FICD: variants seen among roughly 807,000 people sequenced by gnomAD.
The protein encoded by FICD is FIC domain protein adenylyltransferase.
A neutral mutation model predicts 28.0 loss-of-function variants in FICD; 13 were observed. That is an observed-to-expected ratio of 0.46 (90% CI 0.30 to 0.74). The LOEUF (loss-of-function observed/expected upper bound fraction) is 0.74, where lower values mean the gene tolerates loss of function less well. Ranked by LOEUF, FICD falls within the 30% of genes least tolerant of loss-of-function variation. FICD has a pLI of 0.07. For missense variants in FICD, 576 were observed against 624.5 expected (o/e 0.92, Z 0.83); for synonymous variants, 268 against 266.4 (o/e 1.01, Z -0.06).
rs140133453 is a variant in FICD at position 108,518,539 on chromosome 12, C to A, written c.441C>A (p.Gly147=). ...PDFVDALTEF[G]IFSEEDKDII... is the part of the protein sequence containing the mutation. The stretch of plus-strand genomic sequence containing the variant: ...TCGTGGACGCGCTCACCGAGTTTGG[C>A]ATCTTCTCGGAAGAAGACAAGGACA... The change falls in exon 3 of 3, where the codon GGC becomes GGA. Residue 147 remains glycine (G), a synonymous_variant. Transcript: ENST00000552695. This position sits in a 1 kb window ranked among gnomAD's most constrained non-coding sequence, Gnocchi z 4.4. The A allele has an allele frequency of 1.9e-4, 307 of 1,614,204 alleles. No homozygotes were observed. In the African/African-American group the frequency reaches 3.5e-3, roughly 18 times the overall value.
rs1167831428 is a variant in FICD, at chr12:108,518,033, C to T, written c.302-367C>T. Reference sequence around the variant, plus strand: ...CAAGATGAGCTGGAGATGTAGGAGACGGCCTACACTGGGAGCTGTGGCCCA... The same window carrying T: ...CAAGATGAGCTGGAGATGTAGGAGATGGCCTACACTGGGAGCTGTGGCCCA... On this transcript the variant is annotated intron_variant, in intron 2 of 2. Coordinates refer to ENST00000552695, the MANE Select transcript of FICD (RefSeq NM_007076.3). The surrounding 1 kb of genome is among the most constrained non-coding windows in gnomAD (Gnocchi z 4.4). 2 of 672,946 alleles carry T rather than the reference C, an allele frequency of 3.0e-6. No homozygotes were observed. The highest frequency in any genetic ancestry group is 2.1e-5 in the Admixed American group (1 of 48,058). 41.7% of individuals were successfully genotyped at this position (672,946 alleles called of 1,614,324 possible). A position where few individuals can be genotyped will look rare whatever the true frequency, so the allele number is the denominator to read the frequency against.
intron 1 of FICD, among the ~76,000 whole-genome samples, chr12:108,516,225 G>C (rs1414422034): frequency 6.6e-6 from 1 of 152,180 alleles, no homozygotes; most frequent in Non-Finnish European, 1.5e-5. Flanking sequence ...CTTCTTGATG[G>C]GGTCCCTTCT....
chr12:108,518,995 C>G lies in FICD; in HGVS notation c.897C>G (p.Gly299=), dbSNP rs764268321. 26 of 1,614,026 alleles carry G rather than the reference C, an allele frequency of 1.6e-5. No homozygotes were observed. The Admixed American group carries it at 4.3e-4, about 27-fold the overall frequency. ...DVLEIHRRVL[G]YVDPVEAGRF... ...TGGAGATCCACAGGCGGGTGCTGGG[C>G]TACGTGGACCCCGTGGAAGCCGGCA... The change falls in exon 3 of 3, where the codon GGC becomes GGG. Residue 299 remains glycine (G), a synonymous_variant. Coordinates refer to ENST00000552695, the MANE Select transcript of FICD (RefSeq NM_007076.3). This position sits in a 1 kb window ranked among gnomAD's most constrained non-coding sequence, Gnocchi z 4.4.
Position 108,519,599 on chromosome 12 carries a change from A to T in FICD, c.*124A>T. Reference sequence around the variant, plus strand: ...AACATTCTTTACCTCCAAATGTTTTAGTTTTAAAAAAAAAAAAAAACTAAG... The same window carrying T: ...AACATTCTTTACCTCCAAATGTTTTTGTTTTAAAAAAAAAAAAAAACTAAG... On this transcript the variant is annotated 3_prime_UTR_variant, in exon 3 of 3. Coordinates refer to ENST00000552695, the MANE Select transcript of FICD (RefSeq NM_007076.3). This position sits in a 1 kb window ranked among gnomAD's most constrained non-coding sequence, Gnocchi z 4.5. 2.0e-6 allele frequency: 1 copy of T among 496,928 alleles called. No homozygotes were observed. Among genetic ancestry groups the T allele is most frequent in the Non-Finnish European group, 3.3e-6 (1 of 301,846 alleles). 30.8% of individuals were successfully genotyped at this position (496,928 alleles called of 1,614,324 possible).
chr12:108,516,147 T>C (rs1397049875), intron 1 of FICD, among the ~76,000 whole-genome samples: 4 of 152,188 alleles, frequency 2.6e-5, no homozygotes, highest in Non-Finnish European at 5.9e-5. Context: ...ATACAAGCCA[T>C]GTTGTCACTG....
At position 108,517,150 on chromosome 12, in the gene FICD, C is replaced by T; in HGVS notation, c.178C>T (p.Leu60=). ...CTTGGCTGTGCTCAAAGGCCTCTAC[C>T]TGCTCAGGAGCAAACCGGACAGGGC... is the stretch of plus-strand genomic sequence containing the variant. ...QCLAVLKGLY[L]LRSKPDRAQH... is the part of the protein sequence containing the mutation. The change falls in exon 2 of 3, where the codon CTG becomes TTG. Residue 60 remains leucine (L), a synonymous_variant. Coordinates refer to ENST00000552695, the MANE Select transcript of FICD (RefSeq NM_007076.3). The T allele has an allele frequency of 6.2e-7, 1 of 1,608,048 alleles. No individual in the cohort carries two copies. The highest frequency in any genetic ancestry group is 8.5e-7 in the Non-Finnish European group (1 of 1,177,362).
chr12:108,518,498 A>G lies in FICD; in HGVS notation c.400A>G (p.Lys134Glu). 1 of 1,614,196 alleles carries G rather than the reference A, an allele frequency of 6.2e-7. No homozygotes were observed. Among genetic ancestry groups the G allele is most frequent in the South Asian group, 1.1e-5 (1 of 91,080 alleles). The change falls in exon 3 of 3, where the codon AAG (lysine) becomes GAG (glutamate). Residue 134 changes from lysine to glutamate, a missense_variant. Coordinates refer to ENST00000552695, the MANE Select transcript of FICD (RefSeq NM_007076.3). The surrounding 1 kb of genome is among the most constrained non-coding windows in gnomAD (Gnocchi z 4.4). ...KAQKLFMHAL[K>E]MDPDFVDALT... ...CCAAAAGCTCTTCATGCACGCCCTC[A>G]AGATGGACCCGGACTTCGTGGACGC...
Position 108,517,112 on chromosome 12 carries a change from TGGA to T in FICD, c.145_147del (p.Glu49del), listed in dbSNP as rs775258174. On this transcript the variant is annotated inframe_deletion, in exon 2 of 3. Coordinates refer to ENST00000552695, the MANE Select transcript of FICD (RefSeq NM_007076.3). ...GCCCTGCTGCTGCCGCTGGGGGCTG[TGGA>T]GGAGCAGTGCTTGGCTGTGCTCAAA... 6 of 1,610,276 alleles carry T rather than the reference TGGA, an allele frequency of 3.7e-6. No individual in the cohort carries two copies. The African/African-American group carries it at 8.0e-5, about 21-fold the overall frequency.
At position 108,519,290 on chromosome 12, in the gene FICD, G is replaced by GACT. The variant is rs1565853305; in HGVS notation, c.1198_1200dup (p.Tyr400dup). On this transcript the variant is annotated inframe_insertion, in exon 3 of 3. Coordinates refer to ENST00000552695, the MANE Select transcript of FICD (RefSeq NM_007076.3). The surrounding 1 kb of genome is among the most constrained non-coding windows in gnomAD (Gnocchi z 4.5). ...CACCATCCGCAAGGAGCAGCGGTCC[G>GACT]ACTACTACCACGTGTTGGAAGCTGC... 6.2e-7 allele frequency: 1 copy of GACT among 1,614,238 alleles called. No homozygotes were observed. The highest frequency in any genetic ancestry group is 8.5e-7 in the Non-Finnish European group (1 of 1,180,036).
At chr12:108,517,438 T>C (rs1871945278) in intron 2 of FICD, 165 bp downstream of exon 2, 2 of 527,264 alleles carry the variant, frequency 3.8e-6, no homozygotes, top group Non-Finnish European at 6.1e-6. Flanking sequence ...AGTGTGGTGA[T>C]GGGGAAGCAT....
At position 108,520,436 on chromosome 12, in the gene FICD, A is replaced by C. The variant is rs1872076171; in HGVS notation, c.*961A>C. Reference sequence around the variant, plus strand: ...ATTTTTGATAATGAATTAGAGCACCAGTTTCTACTGAATGGAGCAAAAACC... The same window carrying C: ...ATTTTTGATAATGAATTAGAGCACCCGTTTCTACTGAATGGAGCAAAAACC... On this transcript the variant is annotated 3_prime_UTR_variant, in exon 3 of 3. Coordinates refer to ENST00000552695, the MANE Select transcript of FICD (RefSeq NM_007076.3). The C allele has an allele frequency of 6.6e-6, 1 of 152,158 alleles. No individual in the cohort carries two copies. The highest frequency in any genetic ancestry group is 2.4e-5 in the African/African-American group (1 of 41,408). 9.4% of individuals were successfully genotyped at this position (152,158 alleles called of 1,614,324 possible).
Position 108,520,094 on chromosome 12 carries a change from T to G in FICD, c.*619T>G, listed in dbSNP as rs1214887571. ...ACTTTAGTGCCAGCAGCTGTTTTTT[T>G]TTTTTTTTTTTTCATATTGAGACTA... On this transcript the variant is annotated 3_prime_UTR_variant, in exon 3 of 3. Coordinates refer to ENST00000552695, the MANE Select transcript of FICD (RefSeq NM_007076.3). 2.0e-5 allele frequency: 3 copies of G among 151,054 alleles called. No homozygotes were observed. Among genetic ancestry groups the G allele is most frequent in the South Asian group, 2.1e-4 (1 of 4,724 alleles). The allele number at this position is 151,054 out of a possible 1,614,324, so 9.4% of individuals were successfully genotyped here.
At position 108,519,388 on chromosome 12, in the gene FICD, T is replaced by C; in HGVS notation, c.1290T>C (p.Leu430=). 1 of 1,614,078 alleles carries C rather than the reference T, an allele frequency of 6.2e-7. No homozygotes were observed. Among genetic ancestry groups the C allele is most frequent in the South Asian group, 1.1e-5 (1 of 91,078 alleles). The change falls in exon 3 of 3, where the codon CTT becomes CTC. Residue 430 remains leucine, a synonymous_variant. Transcript: ENST00000552695. This position sits in a 1 kb window ranked among gnomAD's most constrained non-coding sequence, Gnocchi z 4.5. ...CTGAGACCACCCTGGACACCCTGCT[T>C]TTTGCCACAACTGAGTACTCGGTGG... ...KCTETTLDTL[L]FATTEYSVAL... is the part of the protein sequence containing the mutation.
At position 108,518,828 on chromosome 12, in the gene FICD, A is replaced by G. The variant is rs771584835; in HGVS notation, c.730A>G (p.Arg244Gly). 17 of 1,614,156 alleles carry G rather than the reference A, an allele frequency of 1.1e-5. No homozygotes were observed. The East Asian group carries it at 3.8e-4, about 36-fold the overall frequency. The change falls in exon 3 of 3, where the codon AGG becomes GGG. Residue 244 changes from arginine to glycine, a missense_variant. By Grantham distance (125) the Arg-to-Gly change is moderately radical. Coordinates refer to ENST00000552695, the MANE Select transcript of FICD (RefSeq NM_007076.3). This position sits in a 1 kb window ranked among gnomAD's most constrained non-coding sequence, Gnocchi z 4.4. ...EGNTLTLSEI[R>G]HILETRYAVP... The stretch of plus-strand genomic sequence containing the variant: ...CAACACCCTCACCCTCTCGGAAATC[A>G]GGCACATCCTGGAGACCCGCTACGC...
In FICD at chr12:108,518,510, G is replaced by C; in HGVS notation, c.412G>C (p.Asp138His). ...LFMHALKMDP[D>H]FVDALTEFGI... The stretch of plus-strand genomic sequence containing the variant: ...CATGCACGCCCTCAAGATGGACCCG[G>C]ACTTCGTGGACGCGCTCACCGAGTT... The change falls in exon 3 of 3, where the codon GAC becomes CAC. Residue 138 changes from aspartate to histidine, a missense_variant. Transcript: ENST00000552695. This position sits in a 1 kb window ranked among gnomAD's most constrained non-coding sequence, Gnocchi z 4.4. 1.2e-6 allele frequency: 2 copies of C among 1,614,154 alleles called. No individual in the cohort carries two copies. The highest frequency in any genetic ancestry group is 1.7e-6 in the Non-Finnish European group (2 of 1,180,026).
Position 108,517,272 on chromosome 12 carries a change from A to T in FICD, c.300A>T (p.Pro100=). The part of the protein sequence containing the change: ...TLLVAKTKAS[P]AGKLEARAAL... ...TGGTGGCCAAGACCAAGGCCTCTCC[A>T]GGTAAGACAGACTGGCCGTCTTCCT... Residue 100 remains proline (P), a splice_region_variant and synonymous_variant, in exon 2 of 3, where the codon CCA becomes CCT. Coordinates refer to ENST00000552695, the MANE Select transcript of FICD (RefSeq NM_007076.3). 6.6e-7 allele frequency: 1 copy of T among 1,512,462 alleles called. No homozygotes were observed. The highest frequency in any genetic ancestry group is 8.8e-7 in the Non-Finnish European group (1 of 1,130,590). 93.7% of individuals were successfully genotyped at this position (1,512,462 alleles called of 1,614,324 possible).
chr12:108,517,101 G>T lies in FICD; in HGVS notation c.129G>T (p.Pro43=), dbSNP rs201767952. 7 of 1,609,982 alleles carry T rather than the reference G, an allele frequency of 4.3e-6. No individual in the cohort carries two copies. Among genetic ancestry groups the T allele is most frequent in the South Asian group, 3.3e-5 (3 of 90,418 alleles). ...VLGSLLALLL[P]LGAVEEQCLA... The stretch of plus-strand genomic sequence containing the variant: ...GGTCCCTGCTGGCCCTGCTGCTGCC[G>T]CTGGGGGCTGTGGAGGAGCAGTGCT... Residue 43 remains proline, a synonymous_variant, in exon 2 of 3, where the codon CCG becomes CCT. Coordinates refer to ENST00000552695, the MANE Select transcript of FICD (RefSeq NM_007076.3).
chr12:108,517,994 C>G (rs1013451534), intron 2 of FICD: 1 of 638,426 alleles, frequency 1.6e-6, no homozygotes, highest in African/African-American at 1.8e-5. Context: ...GGGCAGGAAC[C>G]TGTGTCACCA....
chr12:108,517,494 C>T (rs1022514575), intron 2 of FICD: 3 of 423,006 alleles, frequency 7.1e-6, no homozygotes. Flanking sequence ...GAGGAAGTGA[C>T]ACCTGAGCTG....
Sources: gnomAD v4.1 joint callset for allele counts (sites outside exome capture counted in the v4.1 genomes callset) on GRCh38, gnomAD v4.1.1 for gene constraint, Gnocchi (gnomAD v3.1) non-coding constraint, MANE v1.5 for transcripts, NCBI Gene and HGNC (gene_info 2026-07-23, HGNC 2026-07-21) for gene names.